The following SMG6 variants were observed in gnomAD, a reference collection of about 807,000 sequenced individuals.
The protein encoded by SMG6 is SMG6 nonsense mediated mRNA decay factor.
A neutral mutation model predicts 142.2 loss-of-function variants in SMG6; 66 were observed. The ratio of observed to expected loss-of-function variants is 0.46; its 90% CI spans 0.38 to 0.57. The LOEUF (loss-of-function observed/expected upper bound fraction) is 0.57. SMG6 is among the 20% of genes least tolerant of loss of function. SMG6 has a pLI of 0.00. For missense variants in SMG6, 1,793 were observed against 1,832.0 expected, an observed-to-expected ratio of 0.98 and a Z score of 0.39; for synonymous variants, 779 against 702.4, an observed-to-expected ratio of 1.11 and a Z score of -1.72.
chr17:2,173,162 G>C, intron 12 of SMG6: 1 of 382,002 alleles, frequency 2.6e-6, no homozygotes, highest in South Asian at 2.5e-5. Context: ...TTTCCAGACA[G>C]TGTGCCTGAG....
At chr17:2,133,105 C>T (rs562651666) in intron 13 of SMG6, among the ~76,000 whole-genome samples, 2 of 151,868 alleles carry the variant, frequency 1.3e-5, no homozygotes, top group African/African-American at 2.4e-5. Context: ...ATTAGCTGGA[C>T]GTGGTGGCGC....
chr17:2,249,377 CCT>C (rs2073998445), intron 8 of SMG6, among the ~76,000 whole-genome samples: 1 of 152,194 alleles, frequency 6.6e-6, no homozygotes, highest in Non-Finnish European at 1.5e-5. Flanking sequence ...CTCACTGCAG[CCT>C]CTGACTCCTG....
intron 13 of SMG6, among the ~76,000 whole-genome samples, chr17:2,150,615 T>A (rs2070797269): frequency 6.6e-6 from 1 of 152,144 alleles, no homozygotes; most frequent in African/African-American, 2.4e-5. Flanking sequence ...CCCTCGATGC[T>A]ATGGAAGTGA....
chr17:2,088,814 T>C (rs2068636063), intron 13 of SMG6: 2 of 985,444 alleles, frequency 2.0e-6, no homozygotes, highest in Non-Finnish European at 2.4e-6. Context: ...CACTGGCCTG[T>C]CTGCAAAAGC....
chr17:2,197,689 T>G (rs542418072), intron 10 of SMG6, among the ~76,000 whole-genome samples: 1 of 152,048 alleles, frequency 6.6e-6, no homozygotes, highest in South Asian at 2.1e-4. Context: ...AGATATTTCA[T>G]CAAAGAGGAT....
intron 8 of SMG6, among the ~76,000 whole-genome samples, chr17:2,278,315 G>A (rs2074707711): frequency 6.6e-6 from 1 of 151,166 alleles, no homozygotes. Context: ...CGATTCTCTT[G>A]CCTCAGCCTC....
chr17:2,061,464 A>ATG lies in SMG6; in HGVS notation c.*27_*28insCA. On this transcript the variant is annotated 3_prime_UTR_variant, in exon 19 of 19. Transcript: ENST00000263073. ...CTGGTGGCCTTTCAGGAACGGTTCCACGGGGGGGGGGCCCCAGTGTGGCTC... is the reference window on the plus strand; with the variant it reads ...CTGGTGGCCTTTCAGGAACGGTTCCATGCGGGGGGGGGGCCCCAGTGTGGCTC... The ATG allele has an allele frequency of 8.1e-7, 1 of 1,240,030 alleles. No individual in the cohort carries two copies. Among genetic ancestry groups the ATG allele is most frequent in the Non-Finnish European group, 1.1e-6 (1 of 925,224 alleles). The allele number at this position is 1,240,030 out of a possible 1,614,324, so 76.8% of individuals were successfully genotyped here.
intron 13 of SMG6, among the ~76,000 whole-genome samples, chr17:2,162,670 A>T (rs2071219040): frequency 1.3e-5 from 2 of 152,110 alleles, no homozygotes; most frequent in Admixed American, 1.3e-4. Context: ...GTCTCTAATA[A>T]ATAAACAAAT....
chr17:2,076,266 C>T (rs898265539), intron 15 of SMG6, among the ~76,000 whole-genome samples: 7 of 152,246 alleles, frequency 4.6e-5, no homozygotes, highest in African/African-American at 1.7e-4. Context: ...GAGTTCAGAG[C>T]AGGGTAATTT....
chr17:2,300,634 G>A lies in SMG6; in HGVS notation c.119C>T (p.Pro40Leu), dbSNP rs553763781. The A allele has an allele frequency of 7.5e-6, 12 of 1,598,502 alleles. No individual in the cohort carries two copies. In the African/African-American group the frequency reaches 8.1e-5, roughly 11 times the overall value. The change falls in exon 2 of 19, where the codon CCG becomes CTG. Residue 40 changes from proline (P) to leucine (L), a missense_variant. Pro to Leu is a moderately conservative substitution (Grantham distance 98). This residue lies in a region of SMG6 where 1,597 missense variants were observed against 1,584.6 expected (regional missense o/e 1.01). Coordinates refer to ENST00000263073, the MANE Select transcript of SMG6 (RefSeq NM_017575.5). ...ATCTGGACGCCTGTTATCTTTGCGC[G>A]GCCTGGCCTCCTTTAATTCCTTCAT... ...ENMKELKEARPRKDNRRPDLE... is the reference protein window; with the variant it reads ...ENMKELKEARLRKDNRRPDLE...
Position 2,085,954 on chromosome 17 carries a change from G to A in SMG6, c.3358-53C>T. 1 of 1,572,818 alleles carries A rather than the reference G, an allele frequency of 6.4e-7. No homozygotes were observed. On this transcript the variant is annotated intron_variant, in intron 13 of 18. Coordinates refer to ENST00000263073, the MANE Select transcript of SMG6 (RefSeq NM_017575.5). This position sits in a 1 kb window ranked among gnomAD's most constrained non-coding sequence, Gnocchi z 4.1. ...ACAGCATTTTCTGAAAGGGAAGATG[G>A]AGACGAGATGTTGCTTGCCGGCTGA...
At position 2,068,702 on chromosome 17, in the gene SMG6, C is replaced by T. The variant is rs1369768109; in HGVS notation, c.3835+76G>A. On this transcript the variant is annotated intron_variant, in intron 16 of 18. Coordinates refer to ENST00000263073, the MANE Select transcript of SMG6 (RefSeq NM_017575.5). This position sits in a 1 kb window ranked among gnomAD's most constrained non-coding sequence, Gnocchi z 6.7. ...CACAGCAGGGCTCTGCCTGCCTGGC[C>T]CCCAGGCCGTGGGGCGTGTGTGGAG... 2 of 1,501,320 alleles carry T rather than the reference C, an allele frequency of 1.3e-6. No individual in the cohort carries two copies. The highest frequency in any genetic ancestry group is 1.8e-6 in the Non-Finnish European group (2 of 1,105,720). The allele number at this position is 1,501,320 out of a possible 1,614,324, so 93.0% of individuals were successfully genotyped here. A position where few individuals can be genotyped will look rare whatever the true frequency, so the allele number is the denominator to read the frequency against.
chr17:2,188,364 G>C (rs747617073), intron 11 of SMG6, 35 bp downstream of exon 11: 9 of 1,589,802 alleles, frequency 5.7e-6, no homozygotes, highest in African/African-American at 4.0e-5. Flanking sequence ...CAGGCAACTG[G>C]AAAGCCCACC....
chr17:2,246,456 C>T (rs1017037740), intron 8 of SMG6, among the ~76,000 whole-genome samples: 3 of 152,194 alleles, frequency 2.0e-5, no homozygotes, highest in Admixed American at 6.5e-5. Context: ...CATATGGAAG[C>T]CAAGTGTGGG....
At chr17:2,084,840 A>C (rs1346245382) in intron 14 of SMG6, among the ~76,000 whole-genome samples, 1 of 152,256 alleles carries the variant, frequency 6.6e-6, no homozygotes, top group East Asian at 1.9e-4. Flanking sequence ...ACACACATCC[A>C]GACAGAAATA....
At chr17:2,130,609 A>G (rs1221385710) in intron 13 of SMG6, among the ~76,000 whole-genome samples, 1 of 152,156 alleles carries the variant, frequency 6.6e-6, no homozygotes, top group East Asian at 1.9e-4. Context: ...AGAAAAATTT[A>G]AAGTAAAACT....
intron 15 of SMG6, among the ~76,000 whole-genome samples, chr17:2,081,311 T>A (rs1335342809): frequency 6.6e-6 from 1 of 152,100 alleles, no homozygotes. Flanking sequence ...AAAGTCCCTG[T>A]GTGGAGATTA....
At chr17:2,296,272 CT>C in intron 4 of SMG6, among the ~76,000 whole-genome samples, 1 of 152,304 alleles carries the variant, frequency 6.6e-6, no homozygotes, top group East Asian at 1.9e-4. Context: ...AGTTCTTGCA[CT>C]TTCCCAACAA....
chr17:2,067,361 C>T lies in SMG6; in HGVS notation c.3835+1417G>A, dbSNP rs191921609. 1.5e-3 allele frequency among the ~76,000 whole-genome samples: 228 copies of T among 152,292 alleles called. 1 individual carries two copies. The highest frequency in any genetic ancestry group is 4.1e-3 in the Admixed American group (62 of 15,304). ...AAAAAACCCTGGCAGCCTGGGACGG[C>T]GTCTGAGGCACCTTACGGCTCTTAG... On this transcript the variant is annotated intron_variant, in intron 16 of 18. Transcript: ENST00000263073.
Sources: gnomAD v4.1 joint callset for allele counts (sites outside exome capture counted in the v4.1 genomes callset) on GRCh38, gnomAD v4.1.1 for gene constraint, gnomAD v4.1.1 regional missense constraint, Gnocchi (gnomAD v3.1) non-coding constraint, MANE v1.5 for transcripts, NCBI Gene and HGNC (gene_info 2026-07-23, HGNC 2026-07-21) for gene names.